The following TLK1 variants were observed in gnomAD, a reference collection of about 807,000 sequenced individuals.
TLK1 encodes the protein serine/threonine-protein kinase tousled-like 1.
In TLK1, 24 loss-of-function variants were observed where a neutral mutation model predicts 105.3. That is an observed-to-expected ratio of 0.23 (90% CI 0.17 to 0.32). The LOEUF (loss-of-function observed/expected upper bound fraction) is 0.32, where lower values mean the gene tolerates loss of function less well. Ranked by LOEUF, TLK1 falls within the 10% of genes least tolerant of loss-of-function variation. TLK1 has a pLI of 1.00. For missense variants in TLK1, 558 were observed against 910.5 expected (o/e 0.61, Z 4.98); for synonymous variants, 321 against 310.4 (o/e 1.03, Z -0.36).
rs1259327012 is a variant in TLK1, at chr2:171,126,987, A to G, written c.140-9130T>C. 2.0e-5 allele frequency among the ~76,000 whole-genome samples: 3 copies of G among 152,002 alleles called. 1 individual carries two copies. Among genetic ancestry groups the G allele is most frequent in the Non-Finnish European group, 4.4e-5 (3 of 67,988 alleles). On this transcript the variant is annotated intron_variant, in intron 1 of 20. Coordinates refer to ENST00000431350, the MANE Select transcript of TLK1 (RefSeq NM_012290.5). Reference sequence around the variant, plus strand: ...AAGTATCGAAAGCAAAAGAATTCAAAAGTCTGGGCTGGGCACGGTGGCTCA... The same window carrying G: ...AAGTATCGAAAGCAAAAGAATTCAAGAGTCTGGGCTGGGCACGGTGGCTCA...
intron 1 of TLK1, among the ~76,000 whole-genome samples, chr2:171,195,815 G>A (rs1693262222): frequency 2.0e-5 from 3 of 151,972 alleles, no homozygotes; most frequent in Non-Finnish European, 4.4e-5. Context: ...TTGGGAGGTC[G>A]AGGCTGGCAG....
At chr2:171,071,838 G>A (rs1425299362) in intron 3 of TLK1, among the ~76,000 whole-genome samples, 1 of 152,118 alleles carries the variant, frequency 6.6e-6, no homozygotes, top group Non-Finnish European at 1.5e-5. Flanking sequence ...TGAACAGACT[G>A]TCCTTTCCCC....
chr2:171,117,363 G>A (rs1157112963), intron 2 of TLK1, among the ~76,000 whole-genome samples: 1 of 152,090 alleles, frequency 6.6e-6, no homozygotes, highest in East Asian at 1.9e-4. Context: ...ACTGGTCCTT[G>A]GCCCAGGGGT....
At chr2:171,170,296 A>G (rs904775155) in intron 1 of TLK1, among the ~76,000 whole-genome samples, 12 of 152,242 alleles carry the variant, frequency 7.9e-5, no homozygotes, top group Non-Finnish European at 1.6e-4. Flanking sequence ...CAAAGCTTAA[A>G]GGTTATTTTG....
intron 1 of TLK1, among the ~76,000 whole-genome samples, chr2:171,166,714 G>A (rs778637529): frequency 1.3e-5 from 2 of 152,200 alleles, no homozygotes; most frequent in East Asian, 1.9e-4. Context: ...TGGCAGTTCC[G>A]TTCCAAAGAA....
chr2:171,052,862 A>C (rs1043075834), intron 8 of TLK1, among the ~76,000 whole-genome samples: 1 of 152,200 alleles, frequency 6.6e-6, no homozygotes, highest in Admixed American at 6.5e-5. Context: ...GAGTTTCTAC[A>C]CCAGTAGTTC....
intron 1 of TLK1, among the ~76,000 whole-genome samples, chr2:171,213,084 AT>A (rs869184220): frequency 2.0e-5 from 3 of 151,484 alleles, no homozygotes; most frequent in East Asian, 1.9e-4. Flanking sequence ...TTCTAAAAAA[AT>A]TTTTTTTTAG....
intron 1 of TLK1, among the ~76,000 whole-genome samples, chr2:171,151,599 C>T (rs1411359606): frequency 3.3e-5 from 5 of 151,534 alleles, no homozygotes; most frequent in Non-Finnish European, 5.9e-5. Context: ...CTCAGCCTCC[C>T]GAGTAGCTGG....
chr2:171,225,316 C>T (rs1050159213), intron 1 of TLK1, among the ~76,000 whole-genome samples: 1 of 152,022 alleles, frequency 6.6e-6, no homozygotes, highest in African/African-American at 2.4e-5. Flanking sequence ...TAAAAACAGG[C>T]AAAGGATCTG....
chr2:171,027,050 T>C (rs1685807825), intron 12 of TLK1, among the ~76,000 whole-genome samples: 2 of 152,150 alleles, frequency 1.3e-5, no homozygotes, highest in African/African-American at 4.8e-5. Context: ...TAAAGGATAC[T>C]AATGCAAATT....
intron 2 of TLK1, among the ~76,000 whole-genome samples, chr2:171,097,699 C>T (rs1014073767): frequency 6.6e-5 from 10 of 151,994 alleles, no homozygotes; most frequent in African/African-American, 2.4e-4. Context: ...CTGAGGCAGG[C>T]GGATCATATG....
chr2:171,159,399 T>C (rs1341296678), intron 1 of TLK1, among the ~76,000 whole-genome samples: 1 of 152,270 alleles, frequency 6.6e-6, no homozygotes, highest in Non-Finnish European at 1.5e-5. Context: ...CAAGTTGAAA[T>C]TTTAGTCAAA....
At chr2:171,143,504 TC>T (rs2105581854) in intron 1 of TLK1, among the ~76,000 whole-genome samples, 1 of 58,590 alleles carries the variant, frequency 1.7e-5, no homozygotes, top group South Asian at 7.5e-4. Flanking sequence ...GGACTCTATC[TC>T]CAAAAAAAAA....
chr2:171,142,247 G>C (rs1194558980), intron 1 of TLK1, among the ~76,000 whole-genome samples: 1 of 152,074 alleles, frequency 6.6e-6, no homozygotes, highest in East Asian at 1.9e-4. Context: ...GAGAATAAGA[G>C]AAAGTTCAAA....
chr2:171,035,460 G>C (rs1207695312), intron 11 of TLK1, among the ~76,000 whole-genome samples: 1 of 152,102 alleles, frequency 6.6e-6, no homozygotes, highest in Non-Finnish European at 1.5e-5. Context: ...CAACCACGCG[G>C]AACTGTTAAG....
chr2:171,056,470 C>A lies in TLK1; in HGVS notation c.549+1G>T. On this transcript the variant is annotated splice_donor_variant, in intron 6 of 20. Transcript: ENST00000431350. LOFTEE classifies it high-confidence loss of function. ...CATGAAAAACTTGAAAGATGACTTA[C>A]AGATGAGGAAGGAGTGGAATGTGAA... The A allele has an allele frequency of 6.2e-7, 1 of 1,610,500 alleles. No individual in the cohort carries two copies. Among genetic ancestry groups the A allele is most frequent in the Non-Finnish European group, 8.5e-7 (1 of 1,178,444 alleles).
intron 1 of TLK1, among the ~76,000 whole-genome samples, chr2:171,157,815 G>A (rs751482677): frequency 3.3e-5 from 5 of 152,124 alleles, no homozygotes; most frequent in African/African-American, 4.8e-5. Context: ...ATTTATGTAA[G>A]TTCACATACA....
intron 11 of TLK1, chr2:171,045,766 A>G (rs1215826968): frequency 6.4e-6 from 1 of 157,066 alleles, no homozygotes; most frequent in African/African-American, 2.4e-5. Flanking sequence ...GGGAAAAACA[A>G]TACCTATAAC....
Position 171,049,844 on chromosome 2 carries a change from G to A in TLK1, c.950C>T (p.Thr317Ile). 1 of 1,613,830 alleles carries A rather than the reference G, an allele frequency of 6.2e-7. No homozygotes were observed. Among genetic ancestry groups the A allele is most frequent in the Non-Finnish European group, 8.5e-7 (1 of 1,179,904 alleles). Reference protein sequence around the residue: ...RHGASFTEQWTDGFAFQNLVK... With the variant: ...RHGASFTEQWIDGFAFQNLVK... ...AAGATTCTGAAATGCAAAACCATCT[G>A]TCCATTGTTCAGTAAATGAAGCGCC... The change falls in exon 10 of 21, where the codon ACA becomes ATA. Residue 317 changes from threonine (T) to isoleucine (I), a missense_variant. By Grantham distance (89) the Thr-to-Ile change is moderately conservative (BLOSUM62 -1). This residue lies in a region of TLK1 where 196 missense variants were observed against 239.3 expected (regional missense o/e 0.82). Coordinates refer to ENST00000431350, the MANE Select transcript of TLK1 (RefSeq NM_012290.5).
Sources: gnomAD v4.1 joint callset for allele counts (sites outside exome capture counted in the v4.1 genomes callset) on GRCh38, gnomAD v4.1.1 for gene constraint, gnomAD v4.1.1 regional missense constraint, MANE v1.5 for transcripts, NCBI Gene and HGNC (gene_info 2026-07-23, HGNC 2026-07-21) for gene names.